PHF2: variants seen among roughly 807,000 people sequenced by gnomAD.
The protein encoded by PHF2 is PHD finger protein 2, also known as lysine-specific demethylase PHF2.
Under a neutral mutation model 120.5 loss-of-function variants are expected in PHF2, and 27 were observed. That is an observed-to-expected ratio of 0.22 (90% CI 0.17 to 0.31). The LOEUF is 0.31. Among genes scored for constraint, PHF2 ranks in the 10% least tolerant of loss-of-function variants. The pLI is 1.00. For synonymous variants in PHF2, 568 were observed against 592.5 expected (o/e 0.96, Z 0.60); for missense variants, 1,024 against 1,434.8 (o/e 0.71, Z 4.63).
intron 1 of PHF2, among the ~76,000 whole-genome samples, chr9:93,584,655 A>G (rs1310239533): frequency 1.3e-5 from 2 of 152,222 alleles, no homozygotes; most frequent in Non-Finnish European, 2.9e-5. Context: ...AGTTGTAGTA[A>G]GTTTGAAAGC....
chr9:93,663,493 G>A (rs1826616788), intron 13 of PHF2, 24 bp from the exon 14 acceptor site: 1 of 1,461,954 alleles, frequency 6.8e-7, no homozygotes, highest in Admixed American at 1.7e-5. Context: ...GGGGCTCAGG[G>A]ACGGCCCTGG....
In PHF2 at chr9:93,663,651, G is replaced by C. The variant is rs1374968422; in HGVS notation, c.1937+16G>C. 1.3e-6 allele frequency: 2 copies of C among 1,507,826 alleles called. No individual in the cohort carries two copies. Among genetic ancestry groups the C allele is most frequent in the Non-Finnish European group, 1.8e-6 (2 of 1,087,568 alleles). 93.4% of individuals were successfully genotyped at this position (1,507,826 alleles called of 1,614,324 possible). On this transcript the variant is annotated intron_variant, in intron 14 of 21. Coordinates refer to ENST00000359246, the MANE Select transcript of PHF2 (RefSeq NM_005392.4). ...AACTCCTCGGGTATGTGAGTGCCTGGATGGGAGGGGTGACCTCGCGCATAA... is the reference window on the plus strand; with the variant it reads ...AACTCCTCGGGTATGTGAGTGCCTGCATGGGAGGGGTGACCTCGCGCATAA...
At chr9:93,610,801 CT>C (rs1825621298) in intron 1 of PHF2, among the ~76,000 whole-genome samples, 2 of 152,166 alleles carry the variant, frequency 1.3e-5, no homozygotes, top group South Asian at 4.1e-4. Flanking sequence ...TCTGGGGCCT[CT>C]TTTGTTTTGG....
At chr9:93,618,835 G>GGT (rs968213878) in intron 1 of PHF2, among the ~76,000 whole-genome samples, 12 of 138,088 alleles carry the variant, frequency 8.7e-5, no homozygotes, top group African/African-American at 1.9e-4. Flanking sequence ...TGATGTGTGT[G>GGT]GTGTGTGTGT....
At chr9:93,600,245 G>A (rs1221042421) in intron 1 of PHF2, among the ~76,000 whole-genome samples, 3 of 152,060 alleles carry the variant, frequency 2.0e-5, no homozygotes, top group African/African-American at 4.8e-5. Context: ...GTGTGGATGT[G>A]TGTCTGTGTG....
chr9:93,662,087 A>T (rs567674253), intron 12 of PHF2, among the ~76,000 whole-genome samples: 206 of 151,520 alleles, frequency 1.4e-3, no homozygotes, highest in Admixed American at 3.3e-3. Flanking sequence ...GGATGAATGG[A>T]TGGATGAACA....
chr9:93,581,940 A>G lies in PHF2; in HGVS notation c.98+5069A>G, dbSNP rs77823023. On this transcript the variant is annotated intron_variant, in intron 1 of 21. Coordinates refer to ENST00000359246, the MANE Select transcript of PHF2 (RefSeq NM_005392.4). ...TCTCTGGGAGAATCTCACTTTTGAA[A>G]TTCAGGGTGTGGGTAAAACAAAGTC... is the stretch of plus-strand genomic sequence containing the variant. 2.8e-3 allele frequency among the ~76,000 whole-genome samples: 433 copies of G among 152,298 alleles called. 14 individuals carry two copies. The East Asian group carries it at 0.05, about 18-fold the overall frequency.
chr9:93,580,699 T>A (rs1344745821), intron 1 of PHF2, among the ~76,000 whole-genome samples: 1 of 152,338 alleles, frequency 6.6e-6, no homozygotes, highest in East Asian at 1.9e-4. Context: ...TGAAAGAAAT[T>A]GAAAGCTGTT....
At chr9:93,669,656 G>A (rs1357072984) in intron 17 of PHF2, among the ~76,000 whole-genome samples, 2 of 152,240 alleles carry the variant, frequency 1.3e-5, no homozygotes, top group East Asian at 3.9e-4. Flanking sequence ...GCATCTTCCT[G>A]AGTCTGCCGG....
intron 1 of PHF2, among the ~76,000 whole-genome samples, chr9:93,614,087 C>T (rs369390717): frequency 1.2e-4 from 18 of 152,378 alleles, no homozygotes; most frequent in Non-Finnish European, 2.4e-4. Flanking sequence ...ACGGGAGAGG[C>T]ACAAGGTGTC....
intron 1 of PHF2, among the ~76,000 whole-genome samples, chr9:93,618,738 A>G (rs1248299147): frequency 6.7e-6 from 1 of 150,148 alleles, no homozygotes; most frequent in East Asian, 2.0e-4. Context: ...ACCTGTGTGT[A>G]TGTGTGTGTG....
At chr9:93,647,781 C>T (rs540410976) in intron 4 of PHF2, among the ~76,000 whole-genome samples, 36 of 151,862 alleles carry the variant, frequency 2.4e-4, no homozygotes, top group Non-Finnish European at 4.1e-4. Context: ...CCCAGCTCCT[C>T]GGGAGGCTGA....
chr9:93,651,120 A>G (rs1826362728), intron 5 of PHF2, among the ~76,000 whole-genome samples: 2 of 151,408 alleles, frequency 1.3e-5, no homozygotes, highest in Non-Finnish European at 2.9e-5. Flanking sequence ...AAAAAAGGTA[A>G]TGGGCATTCA....
chr9:93,637,905 G>A (rs557951748), intron 3 of PHF2, among the ~76,000 whole-genome samples: 2 of 152,310 alleles, frequency 1.3e-5, no homozygotes, highest in South Asian at 4.1e-4. Context: ...CACCAGCAGG[G>A]TATGAGGGTC....
At position 93,677,883 on chromosome 9, in the gene PHF2, A is replaced by T; in HGVS notation, c.*207A>T. On this transcript the variant is annotated 3_prime_UTR_variant, in exon 22 of 22. Transcript: ENST00000359246. This position sits in a 1 kb window ranked among gnomAD's most constrained non-coding sequence, Gnocchi z 4.4. Reference sequence around the variant, plus strand: ...ATTTGAAAATGGACGTCTTTTCTCAAGTTGCTAAGAGTGATCTGTCCCAGA... The same window carrying T: ...ATTTGAAAATGGACGTCTTTTCTCATGTTGCTAAGAGTGATCTGTCCCAGA... The T allele has an allele frequency of 1.8e-6, 1 of 564,456 alleles. No homozygotes were observed. The highest frequency in any genetic ancestry group is 1.9e-5 in the African/African-American group (1 of 53,072). The allele number at this position is 564,456 out of a possible 1,614,324, so 35.0% of individuals were successfully genotyped here.
intron 1 of PHF2, among the ~76,000 whole-genome samples, chr9:93,580,765 T>A (rs987645208): frequency 6.6e-6 from 1 of 152,208 alleles, no homozygotes; most frequent in Non-Finnish European, 1.5e-5. Flanking sequence ...TTTGTTGGGC[T>A]TGTATTCTGT....
intron 5 of PHF2, 63 bp downstream of exon 5, chr9:93,649,275 T>C: frequency 7.0e-7 from 1 of 1,426,766 alleles, no homozygotes; most frequent in South Asian, 1.2e-5. Context: ...GTGCCGTCCT[T>C]GGTAGTCGCC....
At position 93,674,009 on chromosome 9, in the gene PHF2, G is replaced by A. The variant is rs558428732; in HGVS notation, c.2626+147G>A. ...CCCTCGGCCTCTGACTGCTGTCCCC[G>A]GAGACCCTCCTGTGAGCGAGACTGG... On this transcript the variant is annotated intron_variant, in intron 18 of 21. Coordinates refer to ENST00000359246, the MANE Select transcript of PHF2 (RefSeq NM_005392.4). 32 of 911,762 alleles carry A rather than the reference G, an allele frequency of 3.5e-5. No homozygotes were observed. The East Asian group carries it at 7.8e-4, about 22-fold the overall frequency. 56.5% of individuals were successfully genotyped at this position (911,762 alleles called of 1,614,324 possible).
chr9:93,659,434 C>T, intron 10 of PHF2, 77 bp from the exon 11 acceptor site: 2 of 1,214,026 alleles, frequency 1.6e-6, no homozygotes, highest in Non-Finnish European at 1.2e-6. Flanking sequence ...AGTCAGGCGA[C>T]AGCCTGCAAG....
Sources: allele counts gnomAD v4.1 joint callset (sites outside exome capture counted in the v4.1 genomes callset), GRCh38; gene constraint gnomAD v4.1.1; non-coding constraint Gnocchi (gnomAD v3.1); transcripts MANE v1.5; gene names NCBI Gene and HGNC (gene_info 2026-07-23, HGNC 2026-07-21).